The following DOCK9 variants were observed in gnomAD, a reference collection of about 807,000 sequenced individuals.
DOCK9 encodes dedicator of cytokinesis protein 9.
DOCK9 carries 89 observed loss-of-function variants against 263.3 expected under a neutral mutation model. The observed-to-expected ratio is 0.34, with a 90% CI of 0.28 to 0.40. The LOEUF (loss-of-function observed/expected upper bound fraction) is 0.40, where lower values mean the gene tolerates loss of function less well. Among genes scored for constraint, DOCK9 ranks in the 10% least tolerant of loss-of-function variants. DOCK9 has a pLI of 1.00. For synonymous variants in DOCK9, 976 were observed against 973.1 expected (o/e 1.00, Z -0.06); for missense variants, 2,140 against 2,603.4 (o/e 0.82, Z 3.87).
intron 2 of DOCK9, among the ~76,000 whole-genome samples, chr13:98,936,420 G>C (rs1341185087): frequency 6.6e-6 from 1 of 152,036 alleles, no homozygotes; most frequent in East Asian, 1.9e-4. Context: ...AGGAGTTCGA[G>C]ACCAACCTGG....
At chr13:98,798,637 G>A (rs909466435) in intron 50 of DOCK9, among the ~76,000 whole-genome samples, 8 of 152,230 alleles carry the variant, frequency 5.3e-5, no homozygotes, top group Admixed American at 3.9e-4. Context: ...CAAGATCTTG[G>A]AGTGCAATGA....
chr13:99,029,891 T>C (rs1887149859), intron 1 of DOCK9, among the ~76,000 whole-genome samples: 2 of 152,154 alleles, frequency 1.3e-5, no homozygotes, highest in African/African-American at 4.8e-5. Flanking sequence ...CAAATGTCTA[T>C]CAACTGGTAA....
In DOCK9 at chr13:98,831,758, T is replaced by C; in HGVS notation, c.4343A>G (p.Asn1448Ser). 1 of 1,613,992 alleles carries C rather than the reference T, an allele frequency of 6.2e-7. No homozygotes were observed. ...KNQLLADHGHNPLMKKVFDVY... is the reference protein window; with the variant it reads ...KNQLLADHGHSPLMKKVFDVY... ...ATCAAAAACTTTTTTCATGAGAGGATTATGTCCATGGTCGGCCAGGAGCTG... is the reference window on the plus strand; with the variant it reads ...ATCAAAAACTTTTTTCATGAGAGGACTATGTCCATGGTCGGCCAGGAGCTG... Residue 1448 changes from asparagine (N) to serine (S), a missense_variant, in exon 40 of 53, where the codon AAT becomes AGT. Transcript: ENST00000682017.
chr13:98,850,196 C>T, intron 35 of DOCK9, 83 bp from the exon 36 acceptor site: 3 of 1,050,344 alleles, frequency 2.9e-6, no homozygotes, highest in Non-Finnish European at 2.7e-6. Flanking sequence ...TGGGAAGGAA[C>T]CTTGGAGTGT....
intron 32 of DOCK9, among the ~76,000 whole-genome samples, chr13:98,861,442 G>A (rs2093868064): frequency 6.6e-6 from 1 of 152,182 alleles, no homozygotes; most frequent in Non-Finnish European, 1.5e-5. Context: ...CAGGGAAAGG[G>A]GAAATGCTGA....
chr13:98,977,821 T>C lies in DOCK9; in HGVS notation c.89A>G (p.Gln30Arg). Residue 30 changes from glutamine to arginine, a missense_variant, in exon 1 of 53, where the codon CAG becomes CGG. This residue lies in a region of DOCK9 where 1,521 missense variants were observed against 1,741.7 expected (regional missense o/e 0.87). Transcript: ENST00000682017. ...ESPLQYKDAAQGEVEAESPGP... is the reference protein window; with the variant it reads ...ESPLQYKDAARGEVEAESPGP... ...CGGGCTCTCTGCTTCCACTTCGCCC[T>C]GAGCTGCATCCTTGTATTGCAGGGG... is the stretch of plus-strand genomic sequence containing the variant. 1.2e-6 allele frequency: 2 copies of C among 1,610,818 alleles called. No homozygotes were observed. The highest frequency in any genetic ancestry group is 1.7e-6 in the Non-Finnish European group (2 of 1,178,474).
In DOCK9 at chr13:98,904,588, T is replaced by C. The variant is rs967562518; in HGVS notation, c.1035+44A>G. 1.4e-5 allele frequency: 19 copies of C among 1,379,258 alleles called. No homozygotes were observed. In the African/African-American group the frequency reaches 2.6e-4, roughly 19 times the overall value. The allele number at this position is 1,379,258 out of a possible 1,614,324, so 85.4% of individuals were successfully genotyped here. A position where few individuals can be genotyped will look rare whatever the true frequency, so the allele number is the denominator to read the frequency against. Reference sequence around the variant, plus strand: ...AAATAAGCCCATCGATGATTTTCTCTCCCACATTTGGTTTTAAATATTAAA... The same window carrying C: ...AAATAAGCCCATCGATGATTTTCTCCCCCACATTTGGTTTTAAATATTAAA... On this transcript the variant is annotated intron_variant, in intron 10 of 52. Transcript: ENST00000682017.
chr13:98,848,900 AG>A (rs2141445246), intron 36 of DOCK9, among the ~76,000 whole-genome samples: 1 of 152,276 alleles, frequency 6.6e-6, no homozygotes, highest in African/African-American at 2.4e-5. Flanking sequence ...CACAGCGCAG[AG>A]GCCCACGACC....
intron 1 of DOCK9, among the ~76,000 whole-genome samples, chr13:98,961,124 G>A (rs1427315765): frequency 6.6e-6 from 1 of 152,162 alleles, no homozygotes; most frequent in Non-Finnish European, 1.5e-5. Flanking sequence ...GCAGAGCTAA[G>A]GTCAAGCCCA....
At chr13:98,860,635 T>G in intron 32 of DOCK9, 113 bp from the exon 33 acceptor site, 1 of 788,954 alleles carries the variant, frequency 1.3e-6, no homozygotes, top group Non-Finnish European at 1.8e-6. Flanking sequence ...GCATTCAACG[T>G]GCCTGCCTGC....
chr13:99,075,557 G>C (rs1263753344), intron 1 of DOCK9, among the ~76,000 whole-genome samples: 1 of 151,484 alleles, frequency 6.6e-6, no homozygotes, highest in African/African-American at 2.4e-5. Context: ...TTAGAGATGG[G>C]TTCTCACTTT....
At chr13:99,007,523 T>C (rs1404266253) in intron 1 of DOCK9, among the ~76,000 whole-genome samples, 1 of 152,208 alleles carries the variant, frequency 6.6e-6, no homozygotes, top group African/African-American at 2.4e-5. Context: ...ATTCATCTGT[T>C]TCTACTCAGT....
chr13:98,796,071 A>G, intron 52 of DOCK9: 1 of 643,366 alleles, frequency 1.6e-6, no homozygotes, highest in South Asian at 1.9e-5. Context: ...TACTTTTTAA[A>G]ATGTCCAGAA....
intron 1 of DOCK9, among the ~76,000 whole-genome samples, chr13:99,014,269 G>A (rs1412104239): frequency 2.0e-5 from 3 of 152,234 alleles, no homozygotes; most frequent in Non-Finnish European, 2.9e-5. Context: ...GGAACAGAGC[G>A]CTACAAGGAG....
chr13:98,914,175 GT>G (rs1270840549), intron 9 of DOCK9, among the ~76,000 whole-genome samples, 152 bp downstream of exon 9: 7 of 152,190 alleles, frequency 4.6e-5, no homozygotes, highest in Non-Finnish European at 2.9e-5. Flanking sequence ...TACTGCATGA[GT>G]ACACGTCACC....
At chr13:99,039,317 G>A (rs1888240031) in intron 1 of DOCK9, among the ~76,000 whole-genome samples, 1 of 152,196 alleles carries the variant, frequency 6.6e-6, no homozygotes, top group Non-Finnish European at 1.5e-5. Flanking sequence ...ATTGATGGGT[G>A]TGAAAATGGC....
intron 1 of DOCK9, among the ~76,000 whole-genome samples, chr13:99,037,956 C>T (rs79428380): frequency 0.027 from 4,061 of 152,134 alleles, 196 homozygotes; most frequent in African/African-American, 0.092. Context: ...ACAGGAAGGA[C>T]GGATCATAAA....
chr13:98,963,401 C>G (rs912304460), intron 1 of DOCK9, among the ~76,000 whole-genome samples: 8 of 152,216 alleles, frequency 5.3e-5, no homozygotes, highest in African/African-American at 1.7e-4. Flanking sequence ...TGTTCGCCCA[C>G]AAACTGAGTT....
intron 38 of DOCK9, among the ~76,000 whole-genome samples, chr13:98,840,848 T>C (rs1282721916): frequency 1.3e-5 from 2 of 152,200 alleles, no homozygotes; most frequent in African/African-American, 2.4e-5. Flanking sequence ...GCCCATAACA[T>C]GAATCCAGAA....
Sources: allele counts gnomAD v4.1 joint callset (sites outside exome capture counted in the v4.1 genomes callset), GRCh38; gene constraint gnomAD v4.1.1; regional missense constraint gnomAD v4.1.1; transcripts MANE v1.5; gene names NCBI Gene and HGNC (gene_info 2026-07-23, HGNC 2026-07-21).